The following SYNE1 variants were observed in gnomAD, a reference collection of about 807,000 sequenced individuals.
SYNE1 encodes nesprin-1.
Under a neutral mutation model 1,111.0 loss-of-function variants are expected in SYNE1, and 616 were observed. The observed-to-expected ratio is 0.55, with a 90% CI of 0.52 to 0.59. SYNE1 has a LOEUF of 0.59. SYNE1 is among the 20% of genes least tolerant of loss of function. The pLI, the probability that SYNE1 is intolerant of heterozygous loss-of-function variation, is 0.00. For synonymous variants in SYNE1, 3,855 were observed against 3,825.8 expected (o/e 1.01, Z -0.28); for missense variants, 10,006 against 10,417.0 (o/e 0.96, Z 1.72).
chr6:152,202,371 C>CAAAAAAAAAAAAAAAAAAAAAAAAAAG (rs11350427), intron 126 of SYNE1, among the ~76,000 whole-genome samples: 1 of 111,016 alleles, frequency 9.0e-6, no homozygotes, highest in Non-Finnish European at 1.8e-5. Context: ...AAAAAAAAAG[C>CAAAAAAAAAAAAAAAAAAAAAAAAAAG]AAAAAAAAAA....
At chr6:152,242,498 A>G in intron 106 of SYNE1, 58 bp from the exon 107 acceptor site, 1 of 1,599,216 alleles carries the variant, frequency 6.3e-7, no homozygotes, top group Non-Finnish European at 8.6e-7. Flanking sequence ...ACCCTCTAAA[A>G]GCATATGAAC....
rs1399291793 is a variant in SYNE1, at chr6:152,353,342, T to A, written c.11174A>T (p.His3725Leu). The A allele has an allele frequency of 6.2e-7, 1 of 1,614,218 alleles. No individual in the cohort carries two copies. Among genetic ancestry groups the A allele is most frequent in the Admixed American group, 1.7e-5 (1 of 60,022 alleles). ...GGTAGCCACATTCTTGAAGTTTTTA[T>A]GAGTAGAGCCATACCAATCAGAATA... ...SSYSDWYGSTHKNFKNVATKI... is the reference protein window; with the variant it reads ...SSYSDWYGSTLKNFKNVATKI... The change falls in exon 69 of 146, where the codon CAT (histidine) becomes CTT (leucine). Residue 3725 changes from histidine (H) to leucine (L), a missense_variant. By Grantham distance (99) the His-to-Leu change is moderately conservative. Transcript: ENST00000367255.
chr6:152,543,875 C>G (rs1164523161), intron 3 of SYNE1, among the ~76,000 whole-genome samples: 2 of 152,126 alleles, frequency 1.3e-5, no homozygotes, highest in East Asian at 3.9e-4. Context: ...GAGTAATAGG[C>G]TATATCATGT....
At chr6:152,128,612 T>TA (rs1463942883) in intron 145 of SYNE1, 3 of 152,202 alleles carry the variant, frequency 2.0e-5, no homozygotes, top group Non-Finnish European at 2.9e-5. Context: ...TTCAAACTAA[T>TA]AGTCAGTTTC....
chr6:152,232,875 A>G (rs560305560), intron 112 of SYNE1, among the ~76,000 whole-genome samples: 1 of 152,328 alleles, frequency 6.6e-6, no homozygotes, highest in African/African-American at 2.4e-5. Flanking sequence ...TTGTATATCA[A>G]CTTCTGTGTG....
chr6:152,622,419 C>A (rs960162946), intron 3 of SYNE1, among the ~76,000 whole-genome samples: 1 of 152,100 alleles, frequency 6.6e-6, no homozygotes, highest in African/African-American at 2.4e-5. Flanking sequence ...TCCCTCCTCC[C>A]AGCCTCCACC....
At chr6:152,168,150 C>T (rs1254183441) in intron 130 of SYNE1, 1 of 778,638 alleles carries the variant, frequency 1.3e-6, no homozygotes, top group Non-Finnish European at 2.4e-6. Context: ...AGATCTGCAT[C>T]CACACAGCTG....
At position 152,325,158 on chromosome 6, in the gene SYNE1, G is replaced by A. The variant is rs763867962; in HGVS notation, c.15583C>T (p.Leu5195Phe). ...TCCTGGTCCTGGGCCACAGCTCGAA[G>A]GCGTGTCCAGCGCTGCCAGACGGTG... is the stretch of plus-strand genomic sequence containing the variant. ...MTTVWQRWTR[L>F]RAVAQDQEKI... The change falls in exon 81 of 146, where the codon CTT becomes TTT. Residue 5195 changes from leucine to phenylalanine, a missense_variant. Leu to Phe is a conservative substitution (Grantham distance 22). Coordinates refer to ENST00000367255, the MANE Select transcript of SYNE1 (RefSeq NM_182961.4). 16 of 1,614,120 alleles carry A rather than the reference G, an allele frequency of 9.9e-6. No homozygotes were observed. Among genetic ancestry groups the A allele is most frequent in the African/African-American group, 1.3e-5 (1 of 74,934 alleles).
At chr6:152,216,614 A>C (rs2078735670) in intron 121 of SYNE1, among the ~76,000 whole-genome samples, 1 of 152,204 alleles carries the variant, frequency 6.6e-6, no homozygotes, top group Non-Finnish European at 1.5e-5. Context: ...ATCCTCAGGA[A>C]AGGTGGAACC....
chr6:152,160,479 T>C (rs2062245897), intron 131 of SYNE1, among the ~76,000 whole-genome samples: 1 of 152,142 alleles, frequency 6.6e-6, no homozygotes, highest in South Asian at 2.1e-4. Context: ...TCCTGCACCT[T>C]CACTCTGGGA....
intron 3 of SYNE1, among the ~76,000 whole-genome samples, chr6:152,551,113 A>C (rs1174872104): frequency 6.6e-6 from 1 of 152,208 alleles, no homozygotes; most frequent in Non-Finnish European, 1.5e-5. Flanking sequence ...TTGTGGATAT[A>C]ATGTTGCAGG....
chr6:152,310,973 G>A, intron 87 of SYNE1, 100 bp from the exon 88 acceptor site: 2 of 1,230,854 alleles, frequency 1.6e-6, no homozygotes, highest in South Asian at 2.6e-5. Flanking sequence ...AGTTCTGTGT[G>A]TCCGTTATTG....
At chr6:152,541,192 T>C (rs982805682) in intron 3 of SYNE1, among the ~76,000 whole-genome samples, 7 of 152,236 alleles carry the variant, frequency 4.6e-5, no homozygotes, top group African/African-American at 1.4e-4. Context: ...AGGAACAGCG[T>C]TGAATCTGTA....
rs1180308501 is a variant in SYNE1 at position 152,148,762 on chromosome 6, T to C, written c.24643-384A>G. On this transcript the variant is annotated intron_variant, in intron 136 of 145. Coordinates refer to ENST00000367255, the MANE Select transcript of SYNE1 (RefSeq NM_182961.4). This position sits in a 1 kb window ranked among gnomAD's most constrained non-coding sequence, Gnocchi z 4.1. ...ATTGTTGGTAAAATGGGAATAACATTAAAACATACTTCAAATAATTAATAT... is the reference window on the plus strand; with the variant it reads ...ATTGTTGGTAAAATGGGAATAACATCAAAACATACTTCAAATAATTAATAT... 6.6e-6 allele frequency among the ~76,000 whole-genome samples: 1 copy of C among 151,858 alleles called. No individual in the cohort carries two copies. Among genetic ancestry groups the C allele is most frequent in the Non-Finnish European group, 1.5e-5 (1 of 68,000 alleles).
rs2096330539 is a variant in SYNE1 at position 152,334,421 on chromosome 6, A to G, written c.12529-148T>C. On this transcript the variant is annotated intron_variant, in intron 76 of 145. Coordinates refer to ENST00000367255, the MANE Select transcript of SYNE1 (RefSeq NM_182961.4). ...AATGTATAATAAGTTATGGGAAACAAAGAGAAAATCTAAAAATCACCATAC... is the reference window on the plus strand; with the variant it reads ...AATGTATAATAAGTTATGGGAAACAGAGAGAAAATCTAAAAATCACCATAC... The G allele has an allele frequency of 4.3e-6, 4 of 924,494 alleles. No homozygotes were observed. The African/African-American group carries it at 6.9e-5, about 16-fold the overall frequency. 57.3% of individuals were successfully genotyped at this position (924,494 alleles called of 1,614,324 possible).
Position 152,231,630 on chromosome 6 carries a change from G to C in SYNE1, c.20863-63C>G, listed in dbSNP as rs1004990308. 4.5e-6 allele frequency: 7 copies of C among 1,545,358 alleles called. No individual in the cohort carries two copies. The Admixed American group carries it at 1.3e-4, about 28-fold the overall frequency. On this transcript the variant is annotated intron_variant, in intron 113 of 145. Coordinates refer to ENST00000367255, the MANE Select transcript of SYNE1 (RefSeq NM_182961.4). ...ATGTCTCATTAGTTTTCCAGGAGTT[G>C]GAAAGCCTTAAGTAACCTTAATATT...
intron 137 of SYNE1, chr6:152,144,010 G>T (rs914749935): frequency 1.5e-5 from 8 of 524,526 alleles, no homozygotes; most frequent in Non-Finnish European, 2.4e-5. Flanking sequence ...TCTCCAGTCC[G>T]TTTTGAACAG....
chr6:152,149,718 G>T, intron 135 of SYNE1, 50 bp from the exon 136 acceptor site: 1 of 1,481,840 alleles, frequency 6.7e-7, no homozygotes, highest in South Asian at 1.1e-5. Flanking sequence ...TGCTTACATT[G>T]ATATAAAAGA....
intron 4 of SYNE1, among the ~76,000 whole-genome samples, chr6:152,527,233 C>A (rs991919360): frequency 2.0e-5 from 3 of 152,092 alleles, no homozygotes; most frequent in Admixed American, 1.3e-4. Context: ...TTTTTCTCTA[C>A]CAACTGATGT....
Sources: allele counts gnomAD v4.1 joint callset (sites outside exome capture counted in the v4.1 genomes callset), GRCh38; gene constraint gnomAD v4.1.1; non-coding constraint Gnocchi (gnomAD v3.1); transcripts MANE v1.5; gene names NCBI Gene and HGNC (gene_info 2026-07-23, HGNC 2026-07-21).